RALYL: variants seen among roughly 807,000 people sequenced by gnomAD.
The protein encoded by RALYL is RALY RNA binding protein like.
A neutral mutation model predicts 35.1 loss-of-function variants in RALYL; 29 were observed. That is an observed-to-expected ratio of 0.83 (90% CI 0.61 to 1.13). The LOEUF is 1.13. Among genes scored for constraint, RALYL ranks in the 50% most tolerant of loss-of-function variants. RALYL has a pLI of 0.00. For synonymous variants in RALYL, 120 were observed against 127.6 expected (o/e 0.94, Z 0.40); for missense variants, 359 against 360.4 (o/e 1.00, Z 0.03).
At chr8:84,452,981 A>G (rs751906862) in intron 1 of RALYL, among the ~76,000 whole-genome samples, 3 of 151,980 alleles carry the variant, frequency 2.0e-5, no homozygotes, top group Non-Finnish European at 2.9e-5. Flanking sequence ...ACTGCTTAAA[A>G]TAGATGCAGT....
At chr8:84,829,493 C>T (rs1173730804) in intron 4 of RALYL, 1 of 153,720 alleles carries the variant, frequency 6.5e-6, no homozygotes, top group Non-Finnish European at 1.5e-5. Context: ...TCCAGTAAGT[C>T]TGTTTGATAA....
intron 1 of RALYL, among the ~76,000 whole-genome samples, chr8:84,248,683 T>C (rs1309409176): frequency 2.6e-5 from 4 of 152,108 alleles, no homozygotes; most frequent in Non-Finnish European, 5.9e-5. Flanking sequence ...CTGATGCTAT[T>C]GGACATTTTG....
intron 2 of RALYL, among the ~76,000 whole-genome samples, chr8:84,676,786 G>T (rs1335301011): frequency 6.6e-6 from 1 of 150,666 alleles, no homozygotes; most frequent in Non-Finnish European, 1.5e-5. Context: ...GCTTGCGCTT[G>T]ATTACATATT....
intron 7 of RALYL, among the ~76,000 whole-genome samples, chr8:84,876,016 A>G (rs1841060023): frequency 6.6e-6 from 1 of 152,158 alleles, no homozygotes; most frequent in Non-Finnish European, 1.5e-5. Flanking sequence ...GCCTGAGGTC[A>G]AGTTCCATAG....
rs565233021 is a variant in RALYL at position 84,212,916 on chromosome 8, G to A, written c.-24+28492G>A. On this transcript the variant is annotated intron_variant, in intron 1 of 8. Transcript: ENST00000521268. ...GAAATGACAGTTCAGTCATAAATAAGTAATACAATAAAAAGTTATCTCCTT... is the reference window on the plus strand; with the variant it reads ...GAAATGACAGTTCAGTCATAAATAAATAATACAATAAAAAGTTATCTCCTT... Among the ~76,000 whole-genome samples, 50 of 152,170 alleles carry A rather than the reference G, an allele frequency of 3.3e-4. No homozygotes were observed. In the South Asian group the frequency reaches 0.01, roughly 32 times the overall value.
intron 1 of RALYL, among the ~76,000 whole-genome samples, chr8:84,210,277 T>A (rs997658374): frequency 1.1e-4 from 16 of 152,206 alleles, no homozygotes; most frequent in African/African-American, 3.6e-4. Context: ...TTTAAATTAA[T>A]TTTACCGAGC....
At chr8:84,341,158 AT>A (rs11291365) in intron 1 of RALYL, among the ~76,000 whole-genome samples, 12,504 of 127,758 alleles carry the variant, frequency 0.098, 982 homozygotes, top group African/African-American at 0.24. Flanking sequence ...TAACCAGGTG[AT>A]TTTTTTTTTT....
At chr8:84,200,416 G>A (rs2130995701) in intron 1 of RALYL, among the ~76,000 whole-genome samples, 1 of 152,168 alleles carries the variant, frequency 6.6e-6, no homozygotes, top group East Asian at 1.9e-4. Context: ...TTTTAAGATA[G>A]AAGTTACTAC....
chr8:84,435,332 A>C (rs1391150476), intron 1 of RALYL, among the ~76,000 whole-genome samples: 1 of 152,160 alleles, frequency 6.6e-6, no homozygotes, highest in Non-Finnish European at 1.5e-5. Flanking sequence ...ACATAACATA[A>C]CATTATCCCT....
At chr8:84,317,665 A>AG (rs1232535860) in intron 1 of RALYL, among the ~76,000 whole-genome samples, 2 of 152,150 alleles carry the variant, frequency 1.3e-5, no homozygotes, top group African/African-American at 2.4e-5. Flanking sequence ...ACAGAACAAA[A>AG]TTGGGCTTTT....
At chr8:84,882,509 T>C (rs532706201) in intron 7 of RALYL, among the ~76,000 whole-genome samples, 1 of 152,176 alleles carries the variant, frequency 6.6e-6, no homozygotes, top group South Asian at 2.1e-4. Flanking sequence ...GGATTTATAT[T>C]TTTGTTACCA....
chr8:84,334,951 A>G (rs969613022), intron 1 of RALYL, among the ~76,000 whole-genome samples: 2 of 152,142 alleles, frequency 1.3e-5, no homozygotes, highest in Non-Finnish European at 2.9e-5. Flanking sequence ...TGGTAAAGGA[A>G]GAGGAAGACA....
At chr8:84,726,654 A>G (rs1010284674) in intron 2 of RALYL, among the ~76,000 whole-genome samples, 1 of 151,926 alleles carries the variant, frequency 6.6e-6, no homozygotes, top group African/African-American at 2.4e-5. Context: ...GAGAGAATCT[A>G]TTACTCTTAC....
At chr8:84,296,559 C>T (rs554239891) in intron 1 of RALYL, among the ~76,000 whole-genome samples, 70 of 151,146 alleles carry the variant, frequency 4.6e-4, no homozygotes, top group African/African-American at 1.4e-3. Flanking sequence ...TGTGACATGC[C>T]GAGTCACAAG....
chr8:84,677,479 C>A (rs983357002), intron 2 of RALYL, among the ~76,000 whole-genome samples: 1 of 151,960 alleles, frequency 6.6e-6, no homozygotes, highest in African/African-American at 2.4e-5. Flanking sequence ...GTTATAATAG[C>A]AAGAATAAAT....
intron 3 of RALYL, among the ~76,000 whole-genome samples, chr8:84,782,774 C>A (rs1818497009): frequency 1.3e-5 from 2 of 152,154 alleles, no homozygotes; most frequent in African/African-American, 4.8e-5. Flanking sequence ...CGCAAGTGCT[C>A]CCTGCCTGGG....
intron 1 of RALYL, among the ~76,000 whole-genome samples, chr8:84,185,512 T>C (rs1437634017): frequency 6.6e-6 from 1 of 152,194 alleles, no homozygotes; most frequent in Admixed American, 6.5e-5. Flanking sequence ...AAAAGCCTTT[T>C]CTGTATTTAA....
intron 1 of RALYL, among the ~76,000 whole-genome samples, chr8:84,478,342 AG>A (rs2053651617): frequency 6.6e-6 from 1 of 152,202 alleles, no homozygotes; most frequent in African/African-American, 2.4e-5. Context: ...GGAAAGACAA[AG>A]ATGAATAAAT....
chr8:84,700,644 A>G (rs767596570), intron 2 of RALYL, among the ~76,000 whole-genome samples: 6 of 152,228 alleles, frequency 3.9e-5, no homozygotes, highest in Non-Finnish European at 8.8e-5. Flanking sequence ...AAAAAGAACA[A>G]TGATAAATAA....
Sources: allele counts gnomAD v4.1 joint callset (sites outside exome capture counted in the v4.1 genomes callset), GRCh38; gene constraint gnomAD v4.1.1; transcripts MANE v1.5; gene names NCBI Gene and HGNC (gene_info 2026-07-23, HGNC 2026-07-21).